TMEM132B: variants seen among roughly 807,000 people sequenced by gnomAD.
The protein encoded by TMEM132B is transmembrane protein 132B.
TMEM132B carries 18 observed loss-of-function variants against 90.8 expected under a neutral mutation model. That is an observed-to-expected ratio of 0.20 (90% confidence interval 0.14 to 0.29). The LOEUF is 0.29. Ranked by LOEUF, TMEM132B falls within the 10% of genes least tolerant of loss-of-function variation. The probability of loss-of-function intolerance (pLI) is 1.00; values close to 1 mark genes in which losing one functional copy is unlikely to be tolerated. For synonymous variants in TMEM132B, 504 were observed against 523.3 expected, an observed-to-expected ratio of 0.96 and a Z score of 0.50; for missense variants, 1,096 against 1,326.8, an observed-to-expected ratio of 0.83 and a Z score of 2.70.
chr12:125,385,247 A>G (rs528802306), intron 2 of TMEM132B, among the ~76,000 whole-genome samples: 2 of 152,356 alleles, frequency 1.3e-5, no homozygotes, highest in East Asian at 3.9e-4. Context: ...AGGCAAGATC[A>G]AAGTTTGTTT....
At chr12:125,192,783 C>A (rs1049242057) in intron 1 of TMEM132B, among the ~76,000 whole-genome samples, 1 of 152,190 alleles carries the variant, frequency 6.6e-6, no homozygotes, top group African/African-American at 2.4e-5. Flanking sequence ...TTGTTAGTCA[C>A]CAGGATTTAC....
intron 1 of TMEM132B, among the ~76,000 whole-genome samples, chr12:125,312,093 A>G (rs1420089930): frequency 6.6e-6 from 1 of 152,240 alleles, no homozygotes; most frequent in Non-Finnish European, 1.5e-5. Context: ...GCCAACTGTC[A>G]TCATATGAGA....
chr12:125,359,906 C>T (rs1306984564), intron 2 of TMEM132B, among the ~76,000 whole-genome samples: 3 of 152,124 alleles, frequency 2.0e-5, no homozygotes, highest in Non-Finnish European at 2.9e-5. Context: ...GGTGAAACCC[C>T]GTCTCTACTA....
intron 3 of TMEM132B, among the ~76,000 whole-genome samples, chr12:125,477,275 A>G (rs1452915647): frequency 6.6e-6 from 1 of 152,190 alleles, no homozygotes; most frequent in Non-Finnish European, 1.5e-5. Flanking sequence ...TGAATGGATT[A>G]TGAAAAGATT....
intron 3 of TMEM132B, among the ~76,000 whole-genome samples, chr12:125,488,605 C>T (rs962368550): frequency 1.3e-5 from 2 of 152,210 alleles, no homozygotes; most frequent in African/African-American, 2.4e-5. Context: ...TGACTTGCTC[C>T]TCTTTGCCTC....
chr12:125,533,693 G>A (rs1883712906), intron 4 of TMEM132B, among the ~76,000 whole-genome samples: 1 of 152,038 alleles, frequency 6.6e-6, no homozygotes, highest in Admixed American at 6.5e-5. Flanking sequence ...GGAGGCTCCT[G>A]GAGCCCCTGC....
chr12:125,558,881 A>G (rs1884455445), intron 4 of TMEM132B, among the ~76,000 whole-genome samples: 1 of 152,224 alleles, frequency 6.6e-6, no homozygotes, highest in East Asian at 1.9e-4. Context: ...CTGTCTCACC[A>G]ACCTCCCCTA....
chr12:125,449,752 A>G (rs995274286), intron 3 of TMEM132B, among the ~76,000 whole-genome samples: 1 of 152,106 alleles, frequency 6.6e-6, no homozygotes, highest in South Asian at 2.1e-4. Context: ...AGATTAAAGT[A>G]TCAGTAGGTT....
At chr12:125,325,402 C>T (rs1364791836) in intron 1 of TMEM132B, among the ~76,000 whole-genome samples, 2 of 152,122 alleles carry the variant, frequency 1.3e-5, no homozygotes, top group African/African-American at 4.8e-5. Context: ...GTGCAAGCTG[C>T]CTTGTTTTGG....
At chr12:125,211,522 A>T (rs1873317447) in intron 1 of TMEM132B, among the ~76,000 whole-genome samples, 1 of 152,122 alleles carries the variant, frequency 6.6e-6, no homozygotes, top group Non-Finnish European at 1.5e-5. Context: ...TTTCTGCACC[A>T]TCTCCAGGGC....
At chr12:125,419,700 A>G (rs1267614154) in intron 3 of TMEM132B, among the ~76,000 whole-genome samples, 1 of 152,034 alleles carries the variant, frequency 6.6e-6, no homozygotes, top group East Asian at 1.9e-4. Context: ...CAATCCCCCA[A>G]AGTCTTAACT....
intron 3 of TMEM132B, among the ~76,000 whole-genome samples, chr12:125,473,706 A>G (rs1012678985): frequency 5.3e-5 from 8 of 152,176 alleles, no homozygotes; most frequent in African/African-American, 1.9e-4. Flanking sequence ...GCACTGCCCC[A>G]CATTCTTTGA....
intron 1 of TMEM132B, among the ~76,000 whole-genome samples, chr12:125,313,245 A>G (rs1272488649): frequency 2.6e-5 from 4 of 152,282 alleles, no homozygotes; most frequent in Middle Eastern, 3.4e-3. Flanking sequence ...AGTGGCTGAC[A>G]CCTAGCAAGG....
intron 1 of TMEM132B, among the ~76,000 whole-genome samples, chr12:125,342,532 G>A (rs1034992199): frequency 5.3e-5 from 8 of 152,186 alleles, no homozygotes; most frequent in African/African-American, 1.7e-4. Flanking sequence ...CTTAGGTCCT[G>A]CCTATAAGGG....
chr12:125,503,231 G>A (rs940292626), intron 3 of TMEM132B, among the ~76,000 whole-genome samples: 14 of 152,234 alleles, frequency 9.2e-5, no homozygotes, highest in Admixed American at 6.5e-4. Context: ...TCCCCTCCCC[G>A]GGCTGTGCTT....
chr12:125,450,721 A>G (rs952634479), intron 3 of TMEM132B, among the ~76,000 whole-genome samples: 10 of 152,190 alleles, frequency 6.6e-5, no homozygotes, highest in African/African-American at 2.4e-4. Context: ...CTCCTAACAG[A>G]TCGCTTATTA....
chr12:125,495,996 AG>A (rs1882551768), intron 3 of TMEM132B, among the ~76,000 whole-genome samples: 1 of 152,246 alleles, frequency 6.6e-6, no homozygotes, highest in Admixed American at 6.5e-5. Context: ...AGGCTGCTAA[AG>A]GAGCTTAATT....
At chr12:125,207,820 G>T (rs1219202842) in intron 1 of TMEM132B, among the ~76,000 whole-genome samples, 1 of 152,154 alleles carries the variant, frequency 6.6e-6, no homozygotes, top group African/African-American at 2.4e-5. Context: ...TACAGTATTT[G>T]TCCTTTTGTG....
intron 3 of TMEM132B, among the ~76,000 whole-genome samples, chr12:125,430,283 T>C (rs558104080): frequency 3.9e-5 from 6 of 152,362 alleles, no homozygotes; most frequent in African/African-American, 1.4e-4. Flanking sequence ...GCCGGGGCTG[T>C]CTGCACACTG....
Sources: allele counts gnomAD v4.1 joint callset (sites outside exome capture counted in the v4.1 genomes callset), GRCh38; gene constraint gnomAD v4.1.1; transcripts MANE v1.5; gene names NCBI Gene and HGNC (gene_info 2026-07-23, HGNC 2026-07-21).